Variants in CEP104 observed in about 807,000 individuals in gnomAD.
The protein encoded by CEP104 is centrosomal protein 104.
Under a neutral mutation model 113.3 loss-of-function variants are expected in CEP104, and 84 were observed. That is an observed-to-expected ratio of 0.74 (90% CI 0.62 to 0.89). CEP104 has a LOEUF of 0.89. CEP104 is among the 40% of genes least tolerant of loss of function. CEP104 has a pLI of 0.00. For synonymous variants in CEP104, 378 were observed against 421.7 expected, an observed-to-expected ratio of 0.90 and a Z score of 1.27; for missense variants, 1,053 against 1,156.6, an observed-to-expected ratio of 0.91 and a Z score of 1.30.
At chr1:3,816,427 C>A in intron 20 of CEP104, 57 bp from the exon 21 acceptor site, 1 of 1,396,992 alleles carries the variant, frequency 7.2e-7, no homozygotes, top group Admixed American at 2.2e-5. Context: ...TGGCACGCTA[C>A]CTGAGACCCA....
chr1:3,843,273 G>A lies in CEP104; in HGVS notation c.566+1634C>T, dbSNP rs1289382309. 2 of 704,742 alleles carry A rather than the reference G, an allele frequency of 2.8e-6. 1 individual carries two copies. The highest frequency in any genetic ancestry group is 4.1e-5 in the Admixed American group (2 of 48,614). The allele number at this position is 704,742 out of a possible 1,614,324, so 43.7% of individuals were successfully genotyped here. A position where few individuals can be genotyped will look rare whatever the true frequency, so the allele number is the denominator to read the frequency against. On this transcript the variant is annotated intron_variant, in intron 6 of 21. Transcript: ENST00000378230. Reference sequence around the variant, plus strand: ...AGAGAGGGTGACCGAGGATGGCACAGCGGGGCCCTTTAGCTCCCCAAAAGT... The same window carrying A: ...AGAGAGGGTGACCGAGGATGGCACAACGGGGCCCTTTAGCTCCCCAAAAGT...
chr1:3,846,981 A>G (rs1203800346), intron 4 of CEP104, among the ~76,000 whole-genome samples: 1 of 152,208 alleles, frequency 6.6e-6, no homozygotes, highest in Non-Finnish European at 1.5e-5. Flanking sequence ...TGTGTCCACA[A>G]TTTCCACCAG....
rs201353912 is a variant in CEP104, at chr1:3,844,911, C to A, written c.562G>T (p.Ala188Ser). The change falls in exon 6 of 22, where the codon GCC becomes TCC. Residue 188 changes from alanine to serine, a missense_variant. By Grantham distance (99) the Ala-to-Ser change is moderately conservative. Coordinates refer to ENST00000378230, the MANE Select transcript of CEP104 (RefSeq NM_014704.4). The part of the protein sequence containing the change: ...SEDPALEGTY[A>S]RKSDYISPLD... The stretch of plus-strand genomic sequence containing the variant: ...GATGGGGAGCAGGACTCTTACCTGG[C>A]GTACGTTCCTTCTAGAGCAGGGTCC... 2 of 1,612,808 alleles carry A rather than the reference C, an allele frequency of 1.2e-6. No homozygotes were observed. Among genetic ancestry groups the A allele is most frequent in the Non-Finnish European group, 8.5e-7 (1 of 1,178,996 alleles).
rs911008221 is a variant in CEP104, at chr1:3,844,966, C to G, written c.507G>C (p.Leu169Phe). 1.2e-6 allele frequency: 2 copies of G among 1,614,162 alleles called. No individual in the cohort carries two copies. The highest frequency in any genetic ancestry group is 2.2e-5 in the East Asian group (1 of 44,884). The change falls in exon 6 of 22, where the codon TTG becomes TTC. Residue 169 changes from leucine (L) to phenylalanine (F), a missense_variant. Transcript: ENST00000378230. The part of the protein sequence containing the change: ...DESNTASREK[L>F]IDHYLGHNSE... ...TGTTGTGCCCAAGGTAGTGGTCAAT[C>G]AACTTCTCTCGAGAGGCCTTTGGGG...
At chr1:3,824,181 G>A (rs967724790) in intron 18 of CEP104, among the ~76,000 whole-genome samples, 14 of 152,238 alleles carry the variant, frequency 9.2e-5, no homozygotes, top group African/African-American at 3.4e-4. Flanking sequence ...CTGCCTCCCG[G>A]GTTCAAGTGA....
At chr1:3,816,170 G>T in intron 21 of CEP104, 110 bp downstream of exon 21, 5 of 872,058 alleles carry the variant, frequency 5.7e-6, no homozygotes. Context: ...GCTTTATTTT[G>T]CTTTTAAAGG....
At chr1:3,826,676 C>T in intron 16 of CEP104, 32 bp downstream of exon 16, 1 of 1,612,584 alleles carries the variant, frequency 6.2e-7, no homozygotes, top group Non-Finnish European at 8.5e-7. Context: ...TTACACACCC[C>T]AGTTCTTTGT....
intron 6 of CEP104, 65 bp from the exon 7 acceptor site, chr1:3,839,841 C>A: frequency 7.4e-7 from 1 of 1,358,006 alleles, no homozygotes. Context: ...GCTGAAGATG[C>A]ACGGTTGAGA....
intron 18 of CEP104, among the ~76,000 whole-genome samples, chr1:3,825,359 G>T (rs2996427): frequency 1.9e-4 from 29 of 152,314 alleles, no homozygotes; most frequent in African/African-American, 7.0e-4. Flanking sequence ...CAAACTGGAC[G>T]CAGCCCTGGC....
chr1:3,819,383 T>C lies in CEP104; in HGVS notation c.2572-3013A>G, dbSNP rs1348722493. Reference sequence around the variant, plus strand: ...TTGGGTGATGGAAAAGTTCCACACGTGTGCAGATGGTTGCAGAACCCTGAA... The same window carrying C: ...TTGGGTGATGGAAAAGTTCCACACGCGTGCAGATGGTTGCAGAACCCTGAA... On this transcript the variant is annotated intron_variant, in intron 20 of 21. Transcript: ENST00000378230. This position sits in a 1 kb window ranked among gnomAD's most constrained non-coding sequence, Gnocchi z 4.6. 6.6e-6 allele frequency among the ~76,000 whole-genome samples: 1 copy of C among 152,184 alleles called. No individual in the cohort carries two copies. Among genetic ancestry groups the C allele is most frequent in the East Asian group, 1.9e-4 (1 of 5,172 alleles).
At position 3,815,247 on chromosome 1, in the gene CEP104, C is replaced by T; in HGVS notation, c.*155G>A. On this transcript the variant is annotated 3_prime_UTR_variant, in exon 22 of 22. Transcript: ENST00000378230. Reference sequence around the variant, plus strand: ...TGCATCCATATCGTTTGCACGAGAGCTGACGGCACAGACGCGTAAGAGGCG... The same window carrying T: ...TGCATCCATATCGTTTGCACGAGAGTTGACGGCACAGACGCGTAAGAGGCG... 4.8e-6 allele frequency: 3 copies of T among 618,648 alleles called. No individual in the cohort carries two copies. Among genetic ancestry groups the T allele is most frequent in the Non-Finnish European group, 5.8e-6 (2 of 347,160 alleles). The allele number at this position is 618,648 out of a possible 1,614,324, so 38.3% of individuals were successfully genotyped here.
intron 12 of CEP104, among the ~76,000 whole-genome samples, chr1:3,832,168 T>G (rs1644220270): frequency 6.6e-6 from 1 of 152,258 alleles, no homozygotes; most frequent in African/African-American, 2.4e-5. Flanking sequence ...ACATATCTTT[T>G]GAAAGATGAA....
At chr1:3,842,577 A>G (rs1050383868) in intron 6 of CEP104, among the ~76,000 whole-genome samples, 1 of 152,232 alleles carries the variant, frequency 6.6e-6, no homozygotes, top group Non-Finnish European at 1.5e-5. Context: ...CTGCAGAGAG[A>G]ATCTGATCCA....
intron 1 of CEP104, among the ~76,000 whole-genome samples, chr1:3,854,452 C>T (rs895964809): frequency 3.3e-5 from 5 of 152,084 alleles, no homozygotes; most frequent in African/African-American, 1.2e-4. Context: ...CTCTGAAGCC[C>T]TCCAATCCTT....
intron 2 of CEP104, 146 bp downstream of exon 2, chr1:3,852,149 G>T: frequency 1.5e-6 from 1 of 661,090 alleles, no homozygotes; most frequent in Non-Finnish European, 2.4e-6. Flanking sequence ...AACAGAAAGA[G>T]ATGCCTGACA....
At chr1:3,838,583 C>T (rs1317014310) in intron 8 of CEP104, among the ~76,000 whole-genome samples, 2 of 152,202 alleles carry the variant, frequency 1.3e-5, no homozygotes, top group Non-Finnish European at 2.9e-5. Flanking sequence ...AATATGTTCT[C>T]AATACACCGA....
rs1395459454 is a variant in CEP104 at position 3,823,151 on chromosome 1, TCC to T, written c.2571+21_2571+22del. The T allele has an allele frequency of 6.2e-7, 1 of 1,612,258 alleles. No homozygotes were observed. The highest frequency in any genetic ancestry group is 1.7e-5 in the Admixed American group (1 of 60,004). On this transcript the variant is annotated intron_variant, in intron 20 of 21. Coordinates refer to ENST00000378230, the MANE Select transcript of CEP104 (RefSeq NM_014704.4). This position sits in a 1 kb window ranked among gnomAD's most constrained non-coding sequence, Gnocchi z 4.1. ...ACAGGTGTGTCACCTACTTCACTGG[TCC>T]CTTCTCCCCAGGCCCCTCACCTCTT...
At chr1:3,841,332 C>G (rs1644409065) in intron 6 of CEP104, among the ~76,000 whole-genome samples, 1 of 152,228 alleles carries the variant, frequency 6.6e-6, no homozygotes, top group African/African-American at 2.4e-5. Context: ...ACTTCGCTCA[C>G]AGCAGCACCA....
At chr1:3,834,590 G>A (rs1482988197) in intron 11 of CEP104, among the ~76,000 whole-genome samples, 1 of 152,186 alleles carries the variant, frequency 6.6e-6, no homozygotes, top group African/African-American at 2.4e-5. Context: ...ACCTCATCAG[G>A]TTTCATGCAA....
Sources: gnomAD v4.1 joint callset for allele counts (sites outside exome capture counted in the v4.1 genomes callset) on GRCh38, gnomAD v4.1.1 for gene constraint, Gnocchi (gnomAD v3.1) non-coding constraint, MANE v1.5 for transcripts, NCBI Gene and HGNC (gene_info 2026-07-23, HGNC 2026-07-21) for gene names.